CORO1B: variants seen among roughly 807,000 people sequenced by gnomAD.
The protein encoded by CORO1B is coronin 1B.
CORO1B carries 30 observed loss-of-function variants against 51.1 expected under a neutral mutation model. The ratio of observed to expected loss-of-function variants is 0.59; its 90% CI spans 0.44 to 0.80. The LOEUF (loss-of-function observed/expected upper bound fraction) is 0.80, where lower values mean the gene tolerates loss of function less well. Among genes scored for constraint, CORO1B ranks in the 30% least tolerant of loss-of-function variants. The pLI is 0.00. For missense variants in CORO1B, 648 were observed against 700.4 expected, an observed-to-expected ratio of 0.93 and a Z score of 0.84; for synonymous variants, 310 against 289.7, an observed-to-expected ratio of 1.07 and a Z score of -0.71.
intron 9 of CORO1B, 107 bp downstream of exon 9, chr11:67,439,679 C>A: frequency 8.2e-7 from 1 of 1,224,922 alleles, no homozygotes; most frequent in Non-Finnish European, 1.2e-6. Context: ...TCACTGCCCA[C>A]AAACCATACT....
Position 67,438,460 on chromosome 11 carries a change from G to A in CORO1B, c.1386C>T (p.Ala462=). The part of the protein sequence containing the change: ...KLEEVMQELR[A]LRALVKEQGD... Reference sequence around the variant, plus strand: ...CCTGCTCCTTGACCAGCGCCCTCAGGGCCCGCAGCTCCTGCATCACCTCCT... The same window carrying A: ...CCTGCTCCTTGACCAGCGCCCTCAGAGCCCGCAGCTCCTGCATCACCTCCT... The change falls in exon 11 of 11, where the codon GCC becomes GCT. Residue 462 remains alanine, a synonymous_variant. Transcript: ENST00000341356. 1 of 1,611,060 alleles carries A rather than the reference G, an allele frequency of 6.2e-7. No individual in the cohort carries two copies.
chr11:67,437,329 G>C lies in CORO1B; in HGVS notation c.*1047C>G, dbSNP rs569319878. ...CCTCCCCCACCACCCCAGGCTGTCCGCCCAGGCTCCAGGAATGCAAGTTCC... is the reference window on the plus strand; with the variant it reads ...CCTCCCCCACCACCCCAGGCTGTCCCCCCAGGCTCCAGGAATGCAAGTTCC... On this transcript the variant is annotated 3_prime_UTR_variant, in exon 11 of 11. Transcript: ENST00000341356. 1.1e-3 allele frequency: 399 copies of C among 359,520 alleles called. 2 individuals are homozygous for C. The highest frequency in any genetic ancestry group is 1.7e-3 in the Non-Finnish European group (347 of 201,000). The allele number at this position is 359,520 out of a possible 1,614,324, so 22.3% of individuals were successfully genotyped here. A position where few individuals can be genotyped will look rare whatever the true frequency, so the allele number is the denominator to read the frequency against.
At position 67,436,186 on chromosome 11, in the gene CORO1B, G is replaced by A. The variant is rs1343939205; in HGVS notation, c.*2190C>T. On this transcript the variant is annotated 3_prime_UTR_variant, in exon 11 of 11. Transcript: ENST00000341356. ...AGTAGCCCCCTGAGTCACGGCTGAG[G>A]CGGCGCCAGGCCAGTGCTAGGCCAG... is the stretch of plus-strand genomic sequence containing the variant. 1.3e-6 allele frequency: 2 copies of A among 1,554,426 alleles called. No individual in the cohort carries two copies. Among genetic ancestry groups the A allele is most frequent in the South Asian group, 1.2e-5 (1 of 85,044 alleles).
chr11:67,443,742 T>G (rs1042697570), upstream of CORO1B: 3 of 985,002 alleles, frequency 3.0e-6, no homozygotes, highest in African/African-American at 5.3e-5. Context: ...CAGGTGCGGG[T>G]GCAGCCTTAC....
chr11:67,443,527 GGGCTCGCGGGGGCGGGGCCGA>G, upstream of CORO1B: 2 of 847,500 alleles, frequency 2.4e-6, no homozygotes, highest in Non-Finnish European at 2.8e-6. Context: ...GGCGGGGCAG[GGGCTCGCGGGGGCGGGGCCGA>G]GGTCACGCGC....
chr11:67,441,035 G>A lies in CORO1B; in HGVS notation c.756+90C>T, dbSNP rs558481886. On this transcript the variant is annotated intron_variant, in intron 6 of 10. Transcript: ENST00000341356. ...CTCAAGTTCCAGGCAGAGAAGCTAG[G>A]AACCACAGGCCTCCCCAGGGTGAAC... 765 of 1,589,354 alleles carry A rather than the reference G, an allele frequency of 4.8e-4. 6 individuals carry two copies. In the South Asian group the frequency reaches 5.9e-3, roughly 12 times the overall value.
chr11:67,443,709 C>A (rs1590988985), upstream of CORO1B: 2 of 984,536 alleles, frequency 2.0e-6, no homozygotes, highest in Non-Finnish European at 2.4e-6. Flanking sequence ...GCAGGGCCGA[C>A]GGCGGCCGCC....
Position 67,443,438 on chromosome 11 carries a change from G to A in CORO1B, c.-37C>T. On this transcript the variant is annotated 5_prime_UTR_variant, in exon 1 of 11. Coordinates refer to ENST00000341356, the MANE Select transcript of CORO1B (RefSeq NM_020441.3). ...CGGGGGCGCAGGGGGCTGCGGCACC[G>A]GCTTCGGGCGGCTCCGGATCCCGGC... 2 of 986,094 alleles carry A rather than the reference G, an allele frequency of 2.0e-6. No homozygotes were observed. The highest frequency in any genetic ancestry group is 1.7e-5 in the African/African-American group (1 of 57,356). The allele number at this position is 986,094 out of a possible 1,614,324, so 61.1% of individuals were successfully genotyped here.
chr11:67,435,713 T>A lies in CORO1B; in HGVS notation c.*2663A>T. On this transcript the variant is annotated 3_prime_UTR_variant, in exon 11 of 11. Transcript: ENST00000341356. Reference sequence around the variant, plus strand: ...GGGGAGTGAGCGGCTGTGACAGGGATGGGACACCAAGACCGGCCTCTACAG... The same window carrying A: ...GGGGAGTGAGCGGCTGTGACAGGGAAGGGACACCAAGACCGGCCTCTACAG... 1 of 1,502,722 alleles carries A rather than the reference T, an allele frequency of 6.7e-7. No individual in the cohort carries two copies. Among genetic ancestry groups the A allele is most frequent in the Non-Finnish European group, 8.8e-7 (1 of 1,130,554 alleles). 93.1% of individuals were successfully genotyped at this position (1,502,722 alleles called of 1,614,324 possible). A position where few individuals can be genotyped will look rare whatever the true frequency, so the allele number is the denominator to read the frequency against.
chr11:67,439,839 AG>A lies in CORO1B; in HGVS notation c.1011del (p.Tyr338ThrfsTer13), dbSNP rs753391106. 1 of 1,580,736 alleles carries A rather than the reference AG, an allele frequency of 6.3e-7. No individual in the cohort carries two copies. The highest frequency in any genetic ancestry group is 2.3e-5 in the East Asian group (1 of 43,694). ...LEVSKCEIAR[F>X]YKLHERKCEP... ...TCACACTTGCGCTCATGCAGTTTGT[AG>A]AACCTGGGGATGCAAGGAGGAGCCA... On this transcript the variant is annotated frameshift_variant, in exon 9 of 11. Coordinates refer to ENST00000341356, the MANE Select transcript of CORO1B (RefSeq NM_020441.3). LOFTEE classifies it high-confidence loss of function.
In CORO1B at chr11:67,441,462, G is replaced by A; in HGVS notation, c.507C>T (p.Tyr169=). ...IWNVGTAEEL[Y]RLDSLHPDLI... ...GGTCAGGGTGCAGGCTGTCCAGGCG[G>A]TACAGCTCCTCCGCTGTGCCCACAT... Residue 169 remains tyrosine (Y), a synonymous_variant, in exon 5 of 11, where the codon TAC becomes TAT. Coordinates refer to ENST00000341356, the MANE Select transcript of CORO1B (RefSeq NM_020441.3). The A allele has an allele frequency of 6.2e-7, 1 of 1,613,868 alleles. No homozygotes were observed. The highest frequency in any genetic ancestry group is 8.5e-7 in the Non-Finnish European group (1 of 1,180,020).
In CORO1B at chr11:67,442,606, C is replaced by T; in HGVS notation, c.23G>A (p.Arg8Gln). 4 of 1,613,710 alleles carry T rather than the reference C, an allele frequency of 2.5e-6. No individual in the cohort carries two copies. The highest frequency in any genetic ancestry group is 3.4e-6 in the Non-Finnish European group (4 of 1,180,010). ...GAACACATGCCGGAATTTGCTCTGC[C>T]GGACCACTTTGCGGAAGGACATGTC... MSFRKVV[R>Q]QSKFRHVFGQ... The change falls in exon 2 of 11, where the codon CGG becomes CAG. Residue 8 changes from arginine (R) to glutamine (Q), a missense_variant. Arg to Gln is a conservative substitution (Grantham distance 43, BLOSUM62 1). Transcript: ENST00000341356.
Position 67,438,956 on chromosome 11 carries a change from AG to A in CORO1B, c.1066-8del, listed in dbSNP as rs773063277. 2.4e-5 allele frequency: 38 copies of A among 1,596,312 alleles called. No homozygotes were observed. Among genetic ancestry groups the A allele is most frequent in the Admixed American group, 5.1e-5 (3 of 59,282 alleles). ...CATCCTGGAAGAGGTCCGACTGGGC[AG>A]GGGGCCGGGGAGGTCAGGATCAGTT... is the stretch of plus-strand genomic sequence containing the variant. On this transcript the variant is annotated splice_region_variant and splice_polypyrimidine_tract_variant and intron_variant, in intron 9 of 10. Coordinates refer to ENST00000341356, the MANE Select transcript of CORO1B (RefSeq NM_020441.3).
At chr11:67,443,342 G>GGCCCCTGCAGCCCC (rs1864433901) in intron 1 of CORO1B, 62 bp downstream of exon 1, 1 of 346,758 alleles carries the variant, frequency 2.9e-6, no homozygotes, top group African/African-American at 2.2e-5. Flanking sequence ...CCCTCAGCCC[G>GGCCCCTGCAGCCCC]GCCCCTGCAG....
At position 67,435,999 on chromosome 11, in the gene CORO1B, C is replaced by A. The variant is rs138577657; in HGVS notation, c.*2377G>T. 1 of 1,613,756 alleles carries A rather than the reference C, an allele frequency of 6.2e-7. No individual in the cohort carries two copies. The highest frequency in any genetic ancestry group is 8.5e-7 in the Non-Finnish European group (1 of 1,179,914). On this transcript the variant is annotated 3_prime_UTR_variant, in exon 11 of 11. Transcript: ENST00000341356. ...GGGTCAGCCTGCAGGCCACCATCCG[C>A]GACGTGGTCATAGTCTGTGTCCTGC... is the stretch of plus-strand genomic sequence containing the variant.
In CORO1B at chr11:67,439,786, C is replaced by T. The variant is rs1367290041; in HGVS notation, c.1065G>A (p.Lys355=). Residue 355 remains lysine, a splice_region_variant and synonymous_variant, in exon 9 of 11, where the codon AAG becomes AAA. Transcript: ENST00000341356. The part of the protein sequence containing the change: ...CEPIVMTVPR[K]SDLFQDDLYP... ...TGAGCCGAGGGACGGGCGGCCTCAC[C>T]TTTCTTGGCACAGTCATGACGATGG... is the stretch of plus-strand genomic sequence containing the variant. 3.8e-6 allele frequency: 6 copies of T among 1,587,070 alleles called. No homozygotes were observed. The highest frequency in any genetic ancestry group is 1.8e-5 in the Admixed American group (1 of 55,274).
chr11:67,435,703 G>A lies in CORO1B; in HGVS notation c.*2673C>T. ...GCAGAGGCACGGGGAGTGAGCGGCT[G>A]TGACAGGGATGGGACACCAAGACCG... On this transcript the variant is annotated 3_prime_UTR_variant, in exon 11 of 11. Transcript: ENST00000341356. 2 of 1,499,840 alleles carry A rather than the reference G, an allele frequency of 1.3e-6. No individual in the cohort carries two copies. Among genetic ancestry groups the A allele is most frequent in the Non-Finnish European group, 1.8e-6 (2 of 1,129,910 alleles). The allele number at this position is 1,499,840 out of a possible 1,614,324, so 92.9% of individuals were successfully genotyped here. A position where few individuals can be genotyped will look rare whatever the true frequency, so the allele number is the denominator to read the frequency against.
In CORO1B at chr11:67,437,645, G is replaced by A. The variant is rs1590984039; in HGVS notation, c.*731C>T. The A allele has an allele frequency of 7.3e-7, 1 of 1,364,310 alleles. No homozygotes were observed. The highest frequency in any genetic ancestry group is 9.5e-7 in the Non-Finnish European group (1 of 1,050,118). 84.5% of individuals were successfully genotyped at this position (1,364,310 alleles called of 1,614,324 possible). On this transcript the variant is annotated 3_prime_UTR_variant, in exon 11 of 11. Transcript: ENST00000341356. ...TGGTCCGCAGGCCCCTCCGTGCCGG[G>A]CACCCACCTCCAGCTCTGGCTGTGT...
chr11:67,437,610 G>T lies in CORO1B; in HGVS notation c.*766C>A. 1 of 1,361,442 alleles carries T rather than the reference G, an allele frequency of 7.3e-7. No homozygotes were observed. The highest frequency in any genetic ancestry group is 2.1e-5 in the South Asian group (1 of 46,584). 84.3% of individuals were successfully genotyped at this position (1,361,442 alleles called of 1,614,324 possible). Reference sequence around the variant, plus strand: ...ATCCCAAGAACCCGGGGGGCTCCGAGGCTTACCATTGGTCCGCAGGCCCCT... The same window carrying T: ...ATCCCAAGAACCCGGGGGGCTCCGATGCTTACCATTGGTCCGCAGGCCCCT... On this transcript the variant is annotated 3_prime_UTR_variant, in exon 11 of 11. Transcript: ENST00000341356.
Sources: allele counts gnomAD v4.1 joint callset, GRCh38; gene constraint gnomAD v4.1.1; transcripts MANE v1.5; gene names NCBI Gene and HGNC (gene_info 2026-07-23, HGNC 2026-07-21).